DTWD2: variants seen among roughly 807,000 people sequenced by gnomAD.
DTWD2 encodes the protein DTW motif tRNA-uridine aminocarboxypropyltransferase 2.
In DTWD2, 39 loss-of-function variants were observed where a neutral mutation model predicts 31.8. The ratio of observed to expected loss-of-function variants is 1.22; its 90% CI spans 0.95 to 1.60. The LOEUF (loss-of-function observed/expected upper bound fraction) is 1.60. Ranked by LOEUF, DTWD2 falls within the 40% of genes most tolerant of loss-of-function variation. The pLI is 0.00. For missense variants in DTWD2, 515 were observed against 381.5 expected, an observed-to-expected ratio of 1.35 and a Z score of -2.92; for synonymous variants, 180 against 142.8, an observed-to-expected ratio of 1.26 and a Z score of -1.86.
intron 1 of DTWD2, among the ~76,000 whole-genome samples, chr5:118,957,918 T>C (rs1188889929): frequency 6.6e-6 from 1 of 152,198 alleles, no homozygotes; most frequent in Admixed American, 6.5e-5. Flanking sequence ...TTCTTCCTTT[T>C]TTGATATCTA....
intron 1 of DTWD2, among the ~76,000 whole-genome samples, chr5:118,979,505 G>C (rs1273533984): frequency 6.6e-6 from 1 of 151,960 alleles, no homozygotes; most frequent in Non-Finnish European, 1.5e-5. Context: ...CCCATTACTG[G>C]GTATATTACC....
chr5:118,903,839 T>G (rs893967194), intron 4 of DTWD2, among the ~76,000 whole-genome samples: 3 of 152,006 alleles, frequency 2.0e-5, no homozygotes, highest in Admixed American at 6.6e-5. Context: ...TTATATATAT[T>G]TGAAATTCAA....
chr5:118,946,340 G>A (rs985603772), intron 1 of DTWD2, among the ~76,000 whole-genome samples: 1 of 152,112 alleles, frequency 6.6e-6, no homozygotes, highest in African/African-American at 2.4e-5. Flanking sequence ...TGTGGTCACA[G>A]GAGTAAACAC....
chr5:118,902,336 C>G (rs1261716982), intron 4 of DTWD2, among the ~76,000 whole-genome samples: 1 of 152,032 alleles, frequency 6.6e-6, no homozygotes, highest in Non-Finnish European at 1.5e-5. Context: ...GTAGGTACAT[C>G]TGTGGAAATG....
chr5:118,870,099 A>G (rs1212161760), intron 4 of DTWD2, among the ~76,000 whole-genome samples: 2 of 152,196 alleles, frequency 1.3e-5, no homozygotes, highest in South Asian at 2.1e-4. Flanking sequence ...CAGAAGCAGA[A>G]GCCAACACTG....
intron 3 of DTWD2, among the ~76,000 whole-genome samples, chr5:118,938,729 T>C (rs1444205914): frequency 8.8e-6 from 1 of 113,118 alleles, no homozygotes; most frequent in Non-Finnish European, 1.8e-5. Flanking sequence ...ATAATAATAA[T>C]AACAATTTAC....
intron 4 of DTWD2, among the ~76,000 whole-genome samples, chr5:118,878,759 A>G (rs7712081): frequency 0.18 from 27,383 of 152,152 alleles, 2,507 homozygotes; most frequent in African/African-American, 0.2. Flanking sequence ...TTTGCAAATT[A>G]TGCATCCAAA....
chr5:118,895,296 T>C (rs1409586529), intron 4 of DTWD2, among the ~76,000 whole-genome samples: 1 of 152,140 alleles, frequency 6.6e-6, no homozygotes, highest in Non-Finnish European at 1.5e-5. Flanking sequence ...TGAATACATT[T>C]CATCAAGGAT....
chr5:118,919,764 C>T (rs1217612090), intron 4 of DTWD2, among the ~76,000 whole-genome samples: 2 of 152,106 alleles, frequency 1.3e-5, no homozygotes, highest in African/African-American at 2.4e-5. Flanking sequence ...TTTTTTCCTA[C>T]CATCTATGCT....
chr5:118,939,221 T>C lies in DTWD2; in HGVS notation c.379A>G (p.Ile127Val). The stretch of plus-strand genomic sequence containing the variant: ...CTTTCTTCACTGAAGCGACGACCGA[T>C]CTTCACTTTACACTTGTCCTGGGGG... ...CLPQDKCKVK[I>V]GRRFSEERDP... Residue 127 changes from isoleucine (I) to valine (V), a missense_variant, in exon 3 of 6, where the codon ATC (isoleucine) becomes GTC (valine). Transcript: ENST00000510708. 1 of 1,606,500 alleles carries C rather than the reference T, an allele frequency of 6.2e-7. No homozygotes were observed. The highest frequency in any genetic ancestry group is 8.5e-7 in the Non-Finnish European group (1 of 1,176,000).
intron 4 of DTWD2, among the ~76,000 whole-genome samples, chr5:118,911,072 T>C (rs990807539): frequency 1.1e-4 from 17 of 152,182 alleles, no homozygotes; most frequent in African/African-American, 4.1e-4. Context: ...ACCATATATC[T>C]GATCATGACA....
chr5:118,953,199 G>A (rs1754504396), intron 1 of DTWD2, among the ~76,000 whole-genome samples: 4 of 152,172 alleles, frequency 2.6e-5, no homozygotes, highest in African/African-American at 9.7e-5. Flanking sequence ...TAGTGAGTAA[G>A]GAGTGAGGGG....
chr5:118,841,771 CA>C (rs1751720133), intron 5 of DTWD2, among the ~76,000 whole-genome samples: 2 of 149,776 alleles, frequency 1.3e-5, no homozygotes, highest in African/African-American at 4.9e-5. Context: ...TATTCAAATT[CA>C]AAAATTAAAA....
intron 1 of DTWD2, among the ~76,000 whole-genome samples, chr5:118,961,728 G>T (rs956977808): frequency 1.3e-5 from 2 of 152,052 alleles, no homozygotes; most frequent in African/African-American, 4.8e-5. Context: ...TCTAAAAACT[G>T]TCTATATTTT....
chr5:118,882,156 CA>C (rs1474714689), intron 4 of DTWD2, among the ~76,000 whole-genome samples: 1 of 152,078 alleles, frequency 6.6e-6, no homozygotes, highest in East Asian at 1.9e-4. Flanking sequence ...AGAAATTGGC[CA>C]AAACAAAGGG....
At chr5:118,974,956 A>G (rs1580451160) in intron 1 of DTWD2, among the ~76,000 whole-genome samples, 1 of 151,870 alleles carries the variant, frequency 6.6e-6, no homozygotes, top group African/African-American at 2.4e-5. Flanking sequence ...TGCCCTTAAC[A>G]TTTTTTCCTT....
chr5:118,988,058 T>A (rs1268796413), intron 1 of DTWD2: 10 of 711,918 alleles, frequency 1.4e-5, no homozygotes, highest in Non-Finnish European at 2.3e-5. Context: ...TGTCTGCTCA[T>A]CCCATGATAC....
chr5:118,921,653 A>C (rs1230292024), intron 4 of DTWD2, among the ~76,000 whole-genome samples: 1 of 152,224 alleles, frequency 6.6e-6, no homozygotes, highest in Admixed American at 6.5e-5. Context: ...GACATTTCAA[A>C]ACATGAAATT....
intron 4 of DTWD2, among the ~76,000 whole-genome samples, chr5:118,850,072 G>C (rs56004980): frequency 0.24 from 36,144 of 151,380 alleles, 4,336 homozygotes; most frequent in Middle Eastern, 0.3. Context: ...ATAAAAAATG[G>C]GGAAAGAACT....
Sources: gnomAD v4.1 joint callset for allele counts (sites outside exome capture counted in the v4.1 genomes callset) on GRCh38, gnomAD v4.1.1 for gene constraint, MANE v1.5 for transcripts, NCBI Gene and HGNC (gene_info 2026-07-23, HGNC 2026-07-21) for gene names.